Variants in PPFIA4 observed in about 807,000 individuals in gnomAD.
The protein encoded by PPFIA4 is PPFI scaffold protein A4, also known as liprin-alpha-4.
A neutral mutation model predicts 145.7 loss-of-function variants in PPFIA4; 98 were observed. That is an observed-to-expected ratio of 0.67 (90% CI 0.57 to 0.80). PPFIA4 has a LOEUF of 0.80. Among genes scored for constraint, PPFIA4 ranks in the 30% least tolerant of loss-of-function variants. The probability of loss-of-function intolerance (pLI) is 0.00; values close to 1 mark genes in which losing one functional copy is unlikely to be tolerated. For synonymous variants in PPFIA4, 628 were observed against 649.6 expected (o/e 0.97, Z 0.51); for missense variants, 1,457 against 1,632.7 (o/e 0.89, Z 1.85).
At chr1:203,049,652 C>T (rs750700331) in intron 12 of PPFIA4, 24 bp from the exon 13 acceptor site, 6 of 1,498,450 alleles carry the variant, frequency 4.0e-6, no homozygotes, top group Admixed American at 2.2e-5. Flanking sequence ...CACTCCCGCC[C>T]CCACCCCGGG....
rs757654346 is a variant in PPFIA4 at position 203,076,310 on chromosome 1, A to T, written c.3575-31A>T. Reference sequence around the variant, plus strand: ...GCAGATGCCCTGCAACCTGCCTCACAGTGCGATGCCTGTCTCTCTCTCTCC... The same window carrying T: ...GCAGATGCCCTGCAACCTGCCTCACTGTGCGATGCCTGTCTCTCTCTCTCC... On this transcript the variant is annotated intron_variant, in intron 29 of 29. Coordinates refer to ENST00000295706, the MANE Select transcript of PPFIA4 (RefSeq NM_001304331.2). 6 of 1,598,022 alleles carry T rather than the reference A, an allele frequency of 3.8e-6. No homozygotes were observed. In the East Asian group the frequency reaches 1.1e-4, roughly 30 times the overall value.
At chr1:203,056,667 C>A in intron 18 of PPFIA4, 117 bp from the exon 19 acceptor site, 2 of 1,292,728 alleles carry the variant, frequency 1.5e-6, no homozygotes, top group Non-Finnish European at 2.1e-6. Flanking sequence ...GTCTCCTTTT[C>A]CCCCATCCCA....
Position 203,043,519 on chromosome 1 carries a change from G to A in PPFIA4, c.336+21G>A. 6.3e-7 allele frequency: 1 copy of A among 1,590,568 alleles called. No homozygotes were observed. Among genetic ancestry groups the A allele is most frequent in the Non-Finnish European group, 8.6e-7 (1 of 1,167,180 alleles). On this transcript the variant is annotated intron_variant, in intron 3 of 29. Coordinates refer to ENST00000295706, the MANE Select transcript of PPFIA4 (RefSeq NM_001304331.2). This position sits in a 1 kb window ranked among gnomAD's most constrained non-coding sequence, Gnocchi z 4.4. ...CACGGGTAAGTGGGGATGACCTTGT[G>A]TCGCGCGCGCGCACGTGTGTGTGTG...
Position 203,039,139 on chromosome 1 carries a change from T to C in PPFIA4, c.131T>C (p.Leu44Pro). 6.2e-7 allele frequency: 1 copy of C among 1,607,796 alleles called. No individual in the cohort carries two copies. Among genetic ancestry groups the C allele is most frequent in the Non-Finnish European group, 8.5e-7 (1 of 1,177,496 alleles). Residue 44 changes from leucine (L) to proline (P), a missense_variant, in exon 2 of 30, where the codon CTT (leucine) becomes CCT (proline). Leu to Pro is a moderately conservative substitution (Grantham distance 98, BLOSUM62 -3). Around this residue, in one of 3 missense-constraint regions of PPFIA4, gnomAD observed 463 missense variants for 459.8 expected, o/e 1.01. Transcript: ENST00000295706. ...LDEREKLLES[L>P]RESQETLAAT... ...GAGCGGGAGAAGTTGCTGGAGTCTCTTCGGGAGAGTCAGGAGACCTTGGCG... is the reference window on the plus strand; with the variant it reads ...GAGCGGGAGAAGTTGCTGGAGTCTCCTCGGGAGAGTCAGGAGACCTTGGCG...
chr1:203,055,375 C>G lies in PPFIA4; in HGVS notation c.1830-57C>G, dbSNP rs1660857338. On this transcript the variant is annotated intron_variant, in intron 15 of 29. Coordinates refer to ENST00000295706, the MANE Select transcript of PPFIA4 (RefSeq NM_001304331.2). This position sits in a 1 kb window ranked among gnomAD's most constrained non-coding sequence, Gnocchi z 4.8. The stretch of plus-strand genomic sequence containing the variant: ...CGAGTGCAGGCATCGACCCGCACTG[C>G]CTCCTGCTGGTCCTGGCTGGGGCTA... The G allele has an allele frequency of 6.2e-7, 1 of 1,607,172 alleles. No individual in the cohort carries two copies. The highest frequency in any genetic ancestry group is 8.5e-7 in the Non-Finnish European group (1 of 1,174,624).
intron 13 of PPFIA4, among the ~76,000 whole-genome samples, chr1:203,050,176 G>A (rs556197926): frequency 8.5e-5 from 13 of 152,196 alleles, no homozygotes; most frequent in East Asian, 1.9e-4. Flanking sequence ...TTCAGGCAGC[G>A]GGCAGAAAGG....
chr1:203,051,612 T>C, intron 13 of PPFIA4, 157 bp from the exon 14 acceptor site: 1 of 1,377,218 alleles, frequency 7.3e-7, no homozygotes, highest in Non-Finnish European at 9.7e-7. Flanking sequence ...CTCTCTTGCT[T>C]ACACGGCAGC....
chr1:203,051,066 G>A, intron 13 of PPFIA4: 1 of 897,396 alleles, frequency 1.1e-6, no homozygotes, highest in Non-Finnish European at 1.3e-6. Context: ...TCCCTCAAGG[G>A]TTCCAAGTAG....
intron 24 of PPFIA4, among the ~76,000 whole-genome samples, chr1:203,062,247 G>A (rs1380518582): frequency 6.6e-6 from 1 of 151,760 alleles, no homozygotes; most frequent in Non-Finnish European, 1.5e-5. Context: ...GGAGGCCGAG[G>A]CGGGCGGATC....
chr1:203,035,569 C>T (rs1659184508), intron 1 of PPFIA4: 1 of 456,900 alleles, frequency 2.2e-6, no homozygotes, highest in South Asian at 1.5e-5. Flanking sequence ...CCTGCCCACA[C>T]TCCTCCCCGG....
At chr1:203,057,696 A>G (rs10920554) in intron 19 of PPFIA4, among the ~76,000 whole-genome samples, 2 of 152,062 alleles carry the variant, frequency 1.3e-5, no homozygotes, top group Non-Finnish European at 2.9e-5. Context: ...TCAGTGTCTA[A>G]TGAAAAGGAA....
chr1:203,061,066 T>G (rs1178342457), intron 23 of PPFIA4, 34 bp downstream of exon 23: 1 of 1,598,238 alleles, frequency 6.3e-7, no homozygotes, highest in Admixed American at 1.7e-5. Context: ...TCCCTGGGCC[T>G]GGGGTTGGGA....
At chr1:203,046,483 G>C in intron 9 of PPFIA4, 101 bp downstream of exon 9, 1 of 1,398,268 alleles carries the variant, frequency 7.2e-7, no homozygotes, top group Non-Finnish European at 9.5e-7. Context: ...CACTGGGCCA[G>C]GAGCCAGAAA....
Position 203,045,511 on chromosome 1 carries a change from C to T in PPFIA4, c.810C>T (p.Leu270=). 3 of 1,607,006 alleles carry T rather than the reference C, an allele frequency of 1.9e-6. No homozygotes were observed. The highest frequency in any genetic ancestry group is 1.3e-5 in the African/African-American group (1 of 74,952). ...EEDLGTARRD[L]IKSEELSSKH... Reference sequence around the variant, plus strand: ...ACCTGGGCACGGCCCGCCGGGACCTCATCAAGTCGGAGGAGCTGAGCAGCA... The same window carrying T: ...ACCTGGGCACGGCCCGCCGGGACCTTATCAAGTCGGAGGAGCTGAGCAGCA... Residue 270 remains leucine (L), a synonymous_variant, in exon 7 of 30, where the codon CTC becomes CTT. Coordinates refer to ENST00000295706, the MANE Select transcript of PPFIA4 (RefSeq NM_001304331.2).
chr1:203,076,284 C>G, intron 29 of PPFIA4, 57 bp from the exon 30 acceptor site: 1 of 1,543,808 alleles, frequency 6.5e-7, no homozygotes, highest in South Asian at 1.1e-5. Flanking sequence ...CAACCTCTCT[C>G]GCAGATGCCC....
chr1:203,076,755 G>A lies in PPFIA4; in HGVS notation c.*365G>A. The A allele has an allele frequency of 3.3e-6, 1 of 301,546 alleles. No individual in the cohort carries two copies. The allele number at this position is 301,546 out of a possible 1,614,324, so 18.7% of individuals were successfully genotyped here. On this transcript the variant is annotated 3_prime_UTR_variant, in exon 30 of 30. Coordinates refer to ENST00000295706, the MANE Select transcript of PPFIA4 (RefSeq NM_001304331.2). ...CAACCTCCACCAGGACCAGGATCCTGGGCCACAGGCTGGGATGGTCCTTCC... is the reference window on the plus strand; with the variant it reads ...CAACCTCCACCAGGACCAGGATCCTAGGCCACAGGCTGGGATGGTCCTTCC...
At position 203,045,253 on chromosome 1, in the gene PPFIA4, G is replaced by A. The variant is rs1659985980; in HGVS notation, c.667-115G>A. The A allele has an allele frequency of 1.4e-5, 13 of 913,920 alleles. No homozygotes were observed. The South Asian group carries it at 1.8e-4, about 13-fold the overall frequency. The allele number at this position is 913,920 out of a possible 1,614,324, so 56.6% of individuals were successfully genotyped here. On this transcript the variant is annotated intron_variant, in intron 6 of 29. Coordinates refer to ENST00000295706, the MANE Select transcript of PPFIA4 (RefSeq NM_001304331.2). ...GCCAGAGGAGTGCTGTGATGTTGGG[G>A]GCAGAGCCTTGACCTGCTCTGGGTG...
intron 1 of PPFIA4, among the ~76,000 whole-genome samples, chr1:203,032,137 A>G (rs186950568): frequency 1.3e-5 from 2 of 151,728 alleles, no homozygotes; most frequent in East Asian, 3.9e-4. Flanking sequence ...ATGGACTTGG[A>G]ATCCTTTTAT....
At chr1:203,064,244 C>T (rs146853142) in intron 25 of PPFIA4, among the ~76,000 whole-genome samples, 55 of 152,300 alleles carry the variant, frequency 3.6e-4, no homozygotes, top group African/African-American at 1.3e-3. Flanking sequence ...GTGTCTAGTC[C>T]TAAAGACACA....
Sources: allele counts gnomAD v4.1 joint callset (sites outside exome capture counted in the v4.1 genomes callset), GRCh38; gene constraint gnomAD v4.1.1; regional missense constraint gnomAD v4.1.1; non-coding constraint Gnocchi (gnomAD v3.1); transcripts MANE v1.5; gene names NCBI Gene and HGNC (gene_info 2026-07-23, HGNC 2026-07-21).